The following PLEKHA5 variants were observed in gnomAD, a reference collection of about 807,000 sequenced individuals.
The protein encoded by PLEKHA5 is pleckstrin homology domain containing A5.
Under a neutral mutation model 181.9 loss-of-function variants are expected in PLEKHA5, and 55 were observed. That is an observed-to-expected ratio of 0.30 (90% confidence interval 0.24 to 0.38). The LOEUF (loss-of-function observed/expected upper bound fraction) is 0.38. Among genes scored for constraint, PLEKHA5 ranks in the 10% least tolerant of loss-of-function variants. PLEKHA5 has a pLI of 1.00. For missense variants in PLEKHA5, 1,432 were observed against 1,549.5 expected (o/e 0.92, Z 1.27); for synonymous variants, 535 against 529.4 (o/e 1.01, Z -0.15).
At position 19,301,444 on chromosome 12, in the gene PLEKHA5, A is replaced by G. The variant is rs555931964; in HGVS notation, c.2037+9747A>G. Among the ~76,000 whole-genome samples, 3 of 152,240 alleles carry G rather than the reference A, an allele frequency of 2.0e-5. No individual in the cohort carries two copies. In the East Asian group the frequency reaches 5.8e-4, roughly 29 times the overall value. On this transcript the variant is annotated intron_variant, in intron 15 of 31. Coordinates refer to ENST00000429027, the MANE Select transcript of PLEKHA5 (RefSeq NM_001256470.2). Reference sequence around the variant, plus strand: ...AGTAGCCTTGCTTGAAATTAAAGGAACAGGGATTAGGAAAAGGCCATTAAA... The same window carrying G: ...AGTAGCCTTGCTTGAAATTAAAGGAGCAGGGATTAGGAAAAGGCCATTAAA...
At chr12:19,219,026 G>GA (rs1329642497) in intron 3 of PLEKHA5, among the ~76,000 whole-genome samples, 1 of 150,556 alleles carries the variant, frequency 6.6e-6, no homozygotes, top group Admixed American at 6.7e-5. Context: ...TATTGAAAAA[G>GA]AAACTACAGT....
chr12:19,288,123 G>A (rs1361189784), intron 13 of PLEKHA5: 3 of 321,546 alleles, frequency 9.3e-6, no homozygotes, highest in South Asian at 2.9e-5. Context: ...GAACTAGGTG[G>A]GTTTCTTTAC....
chr12:19,190,946 T>C (rs2050965847), intron 3 of PLEKHA5, among the ~76,000 whole-genome samples: 1 of 152,206 alleles, frequency 6.6e-6, no homozygotes, highest in African/African-American at 2.4e-5. Context: ...AAAAGGAACA[T>C]GAGCTGGCAG....
intron 3 of PLEKHA5, among the ~76,000 whole-genome samples, chr12:19,171,029 G>T (rs1476811932): frequency 1.3e-5 from 2 of 152,170 alleles, no homozygotes; most frequent in Non-Finnish European, 2.9e-5. Flanking sequence ...CTGCAGTTTG[G>T]TATGTAAAAT....
At chr12:19,179,214 A>T (rs1380920812) in intron 3 of PLEKHA5, among the ~76,000 whole-genome samples, 1 of 152,168 alleles carries the variant, frequency 6.6e-6, no homozygotes, top group African/African-American at 2.4e-5. Flanking sequence ...TTTTGATCCC[A>T]TAGGTTGTTG....
At chr12:19,339,276 G>A (rs2093684439) in intron 21 of PLEKHA5, among the ~76,000 whole-genome samples, 1 of 151,988 alleles carries the variant, frequency 6.6e-6, no homozygotes, top group Admixed American at 6.6e-5. Context: ...CCTGACCTCA[G>A]GTGATCTGCC....
At chr12:19,173,321 C>T (rs895522005) in intron 3 of PLEKHA5, among the ~76,000 whole-genome samples, 6 of 152,118 alleles carry the variant, frequency 3.9e-5, no homozygotes, top group Non-Finnish European at 8.8e-5. Flanking sequence ...CCGCGCCCGG[C>T]CCTTGATTTC....
At chr12:19,302,034 G>A (rs2081618112) in intron 15 of PLEKHA5, among the ~76,000 whole-genome samples, 1 of 152,158 alleles carries the variant, frequency 6.6e-6, no homozygotes, top group African/African-American at 2.4e-5. Flanking sequence ...TAGCTTTTTA[G>A]TTTTGCTGCA....
At chr12:19,306,531 C>G (rs376055339) in intron 15 of PLEKHA5, 4 of 743,096 alleles carry the variant, frequency 5.4e-6, no homozygotes, top group East Asian at 2.7e-5. Flanking sequence ...AGGGAGAACG[C>G]CGCGAGCAGC....
intron 15 of PLEKHA5, among the ~76,000 whole-genome samples, chr12:19,299,798 T>A (rs2152904146): frequency 6.6e-6 from 1 of 152,310 alleles, no homozygotes; most frequent in Middle Eastern, 3.4e-3. Flanking sequence ...TCATTTGATC[T>A]TCCTAAAGCT....
At chr12:19,354,189 T>A (rs1565655068) in intron 26 of PLEKHA5, among the ~76,000 whole-genome samples, 187 bp downstream of exon 26, 1 of 126,640 alleles carries the variant, frequency 7.9e-6, no homozygotes, top group Non-Finnish European at 1.6e-5. Context: ...TCTCGCTCTG[T>A]CGCCCAGGCT....
chr12:19,270,287 G>A, intron 10 of PLEKHA5, 82 bp downstream of exon 10: 3 of 677,424 alleles, frequency 4.4e-6, no homozygotes, highest in East Asian at 3.1e-5. Context: ...CTAAATCTTA[G>A]AAGAGAGTTT....
chr12:19,261,105 G>A, intron 7 of PLEKHA5, 84 bp downstream of exon 7: 1 of 652,888 alleles, frequency 1.5e-6, no homozygotes. Context: ...AAAAAGTATT[G>A]TAACTCTGTG....
At chr12:19,364,665 G>GT (rs1212836710) in intron 29 of PLEKHA5, among the ~76,000 whole-genome samples, 31 of 148,224 alleles carry the variant, frequency 2.1e-4, no homozygotes, top group African/African-American at 7.7e-4. Flanking sequence ...ACTCACTAAT[G>GT]TTTGTTTTTT....
chr12:19,267,782 G>A (rs1279447087), intron 8 of PLEKHA5, among the ~76,000 whole-genome samples: 2 of 151,726 alleles, frequency 1.3e-5, no homozygotes, highest in East Asian at 1.9e-4. Context: ...TGACCAACAT[G>A]GAAAAACCCT....
At chr12:19,363,053 A>G (rs1419624531) in intron 29 of PLEKHA5, among the ~76,000 whole-genome samples, 1 of 152,102 alleles carries the variant, frequency 6.6e-6, no homozygotes, top group African/African-American at 2.4e-5. Context: ...TCAAAATTCT[A>G]AGCTGTCTCA....
At chr12:19,140,445 C>T (rs1464668777) in intron 3 of PLEKHA5, among the ~76,000 whole-genome samples, 5 of 152,142 alleles carry the variant, frequency 3.3e-5, no homozygotes, top group Non-Finnish European at 4.4e-5. Context: ...TTCAGAGCCA[C>T]TGGGGGAACA....
intron 21 of PLEKHA5, among the ~76,000 whole-genome samples, chr12:19,341,455 A>T (rs1343899492): frequency 6.6e-6 from 1 of 151,882 alleles, no homozygotes; most frequent in Non-Finnish European, 1.5e-5. Context: ...ATGTGCAAGG[A>T]TCTGTTATTT....
intron 3 of PLEKHA5, among the ~76,000 whole-genome samples, chr12:19,209,495 T>C (rs1400474869): frequency 6.6e-6 from 1 of 152,096 alleles, no homozygotes; most frequent in Non-Finnish European, 1.5e-5. Context: ...GACTGAAAAA[T>C]TAGTTGAGCA....
Sources: allele counts gnomAD v4.1 joint callset (sites outside exome capture counted in the v4.1 genomes callset), GRCh38; gene constraint gnomAD v4.1.1; transcripts MANE v1.5; gene names NCBI Gene and HGNC (gene_info 2026-07-23, HGNC 2026-07-21).